The following THSD7B variants were observed in gnomAD, a reference collection of about 807,000 sequenced individuals.
THSD7B encodes the protein thrombospondin type-1 domain-containing protein 7B.
Under a neutral mutation model 213.6 loss-of-function variants are expected in THSD7B, and 138 were observed. The ratio of observed to expected loss-of-function variants is 0.65; its 90% confidence interval spans 0.56 to 0.74. THSD7B has a LOEUF of 0.74. Among genes scored for constraint, THSD7B ranks in the 30% least tolerant of loss-of-function variants. THSD7B has a pLI of 0.00. For missense variants in THSD7B, 1,931 were observed against 1,991.5 expected (o/e 0.97, Z 0.58); for synonymous variants, 742 against 687.0 (o/e 1.08, Z -1.25).
intron 2 of THSD7B, among the ~76,000 whole-genome samples, chr2:136,974,204 T>A (rs868026381): frequency 6.6e-6 from 1 of 152,182 alleles, no homozygotes; most frequent in East Asian, 1.9e-4. Context: ...CTTTAAAAAA[T>A]TTTTACTTTA....
chr2:137,238,569 C>T (rs112148165), intron 9 of THSD7B, among the ~76,000 whole-genome samples: 4,303 of 58,012 alleles, frequency 0.074, 372 homozygotes, highest in African/African-American at 0.22. Context: ...TTTTTTGAGA[C>T]GGAGTCTCGC....
At chr2:136,924,896 T>C (rs910176197) in intron 2 of THSD7B, among the ~76,000 whole-genome samples, 2 of 152,228 alleles carry the variant, frequency 1.3e-5, no homozygotes, top group African/African-American at 4.8e-5. Context: ...TCCTTTGTTG[T>C]TTATTCCTAA....
intron 12 of THSD7B, among the ~76,000 whole-genome samples, chr2:137,324,429 C>G (rs1397647782): frequency 6.6e-6 from 1 of 151,448 alleles, no homozygotes; most frequent in Non-Finnish European, 1.5e-5. Context: ...TAATGACATT[C>G]ATGTTTATTT....
intron 12 of THSD7B, among the ~76,000 whole-genome samples, chr2:137,304,882 A>G (rs1484848159): frequency 1.3e-5 from 2 of 152,106 alleles, no homozygotes; most frequent in African/African-American, 2.4e-5. Context: ...CTATGCATGT[A>G]TATTCATAAT....
At chr2:136,847,746 AG>A (rs1362464076) in intron 1 of THSD7B, among the ~76,000 whole-genome samples, 1 of 152,164 alleles carries the variant, frequency 6.6e-6, no homozygotes, top group East Asian at 1.9e-4. Context: ...CAGGTCAAAA[AG>A]CATGTAAGCA....
At chr2:136,861,592 CA>C (rs1487989183) in intron 1 of THSD7B, among the ~76,000 whole-genome samples, 1 of 152,206 alleles carries the variant, frequency 6.6e-6, no homozygotes, top group Admixed American at 6.5e-5. Flanking sequence ...CTCCACTTTG[CA>C]GTCTTTAATC....
In THSD7B at chr2:137,463,837, A is replaced by C. The variant is rs143991684; in HGVS notation, c.3138+12814A>C. Among the ~76,000 whole-genome samples, 98 of 152,228 alleles carry C rather than the reference A, an allele frequency of 6.4e-4. 1 individual carries two copies. The highest frequency in any genetic ancestry group is 2.3e-3 in the African/African-American group (95 of 41,558). ...TTCACTTGGGAGGGCTTTAGCATTA[A>C]AATGAGGTGGAATTTTGCACTTTAT... is the stretch of plus-strand genomic sequence containing the variant. On this transcript the variant is annotated intron_variant, in intron 15 of 27. Coordinates refer to ENST00000409968, the MANE Select transcript of THSD7B (RefSeq NM_001316349.2).
chr2:136,806,737 G>T (rs528617359), intron 1 of THSD7B, among the ~76,000 whole-genome samples: 4 of 152,034 alleles, frequency 2.6e-5, no homozygotes, highest in African/African-American at 9.7e-5. Flanking sequence ...TACTTTCTGC[G>T]CTTCATTTTT....
chr2:136,877,204 T>A (rs778023622), intron 1 of THSD7B, among the ~76,000 whole-genome samples: 3 of 152,220 alleles, frequency 2.0e-5, no homozygotes, highest in South Asian at 2.1e-4. Context: ...GGGGACTACC[T>A]TTTTCAGCTT....
chr2:137,577,501 C>G (rs535547698), intron 17 of THSD7B, among the ~76,000 whole-genome samples: 1 of 152,068 alleles, frequency 6.6e-6, no homozygotes, highest in East Asian at 1.9e-4. Context: ...TGCCCCGACA[C>G]CTTCCATTCT....
chr2:137,521,102 C>T (rs1680175781), intron 15 of THSD7B, among the ~76,000 whole-genome samples: 2 of 152,064 alleles, frequency 1.3e-5, no homozygotes, highest in Non-Finnish European at 2.9e-5. Flanking sequence ...GAGGCAGAGT[C>T]ATTTGGGCAT....
intron 1 of THSD7B, among the ~76,000 whole-genome samples, chr2:136,850,650 T>C (rs116691204): frequency 0.023 from 3,442 of 152,112 alleles, 67 homozygotes; most frequent in South Asian, 0.065. Context: ...ACTAATGATA[T>C]GGGACTTTTT....
intron 2 of THSD7B, among the ~76,000 whole-genome samples, chr2:136,995,579 C>T (rs1685869878): frequency 6.6e-6 from 1 of 151,966 alleles, no homozygotes; most frequent in South Asian, 2.1e-4. Flanking sequence ...AGAATGACCC[C>T]ATCTAAGGGG....
At chr2:137,339,291 G>A (rs1395301311) in intron 12 of THSD7B, among the ~76,000 whole-genome samples, 2 of 151,748 alleles carry the variant, frequency 1.3e-5, no homozygotes, top group Non-Finnish European at 2.9e-5. Flanking sequence ...AGCCAGGTGT[G>A]TTTGTGGTAG....
intron 12 of THSD7B, among the ~76,000 whole-genome samples, chr2:137,373,521 C>T (rs542095834): frequency 1.3e-5 from 2 of 152,272 alleles, no homozygotes; most frequent in South Asian, 4.1e-4. Context: ...TGTTCATGTC[C>T]TTCGCCCACT....
intron 2 of THSD7B, among the ~76,000 whole-genome samples, chr2:136,988,087 A>G (rs574716598): frequency 1.3e-5 from 2 of 152,272 alleles, no homozygotes; most frequent in Non-Finnish European, 2.9e-5. Flanking sequence ...AATTGTCACC[A>G]CAATCCGGTT....
chr2:137,022,273 A>G (rs1686458662), intron 2 of THSD7B, among the ~76,000 whole-genome samples: 1 of 152,136 alleles, frequency 6.6e-6, no homozygotes, highest in Admixed American at 6.5e-5. Flanking sequence ...CTGTTTTTAA[A>G]CTGGTTGTAC....
At chr2:136,801,267 A>C (rs1218249409) in intron 1 of THSD7B, among the ~76,000 whole-genome samples, 1 of 152,122 alleles carries the variant, frequency 6.6e-6, no homozygotes, top group Admixed American at 6.6e-5. Flanking sequence ...CACTTCACAG[A>C]TGAGGAAAAC....
chr2:136,797,012 A>ACACACACACACACAC (rs1553449017), intron 1 of THSD7B, among the ~76,000 whole-genome samples: 5 of 148,926 alleles, frequency 3.4e-5, no homozygotes, highest in Non-Finnish European at 7.5e-5. Context: ...ACACACACAC[A>ACACACACACACACAC]ACCTAAAAAA....
Sources: allele counts gnomAD v4.1 joint callset (sites outside exome capture counted in the v4.1 genomes callset), GRCh38; gene constraint gnomAD v4.1.1; transcripts MANE v1.5; gene names NCBI Gene and HGNC (gene_info 2026-07-23, HGNC 2026-07-21).